Variants in RBFOX1 observed in about 807,000 individuals in gnomAD.
The protein encoded by RBFOX1 is RNA binding protein fox-1 homolog 1.
Under a neutral mutation model 57.7 loss-of-function variants are expected in RBFOX1, and 8 were observed. The observed-to-expected ratio is 0.14, with a 90% CI of 0.08 to 0.25. The LOEUF (loss-of-function observed/expected upper bound fraction) is 0.25. Among genes scored for constraint, RBFOX1 ranks in the 10% least tolerant of loss-of-function variants. RBFOX1 has a pLI of 1.00. For missense variants in RBFOX1, 611 were observed against 548.5 expected, an observed-to-expected ratio of 1.11 and a Z score of -1.14; for synonymous variants, 326 against 222.4, an observed-to-expected ratio of 1.47 and a Z score of -4.15.
chr16:7,094,046 G>C (rs7202555), intron 4 of RBFOX1, among the ~76,000 whole-genome samples: 149,782 of 149,820 alleles, frequency 1, 74,872 homozygotes, highest in Middle Eastern at 1. Flanking sequence ...AGTGGATGTT[G>C]CTTAGTGCCA....
chr16:6,810,678 C>G (rs1448580615), intron 3 of RBFOX1, among the ~76,000 whole-genome samples: 3 of 152,004 alleles, frequency 2.0e-5, no homozygotes, highest in East Asian at 1.9e-4. Context: ...GCTGGGAAGT[C>G]CTCTGGAAAC....
At chr16:7,672,880 A>AAAAAAAAAAAAAAAAAAAAAAAC (rs2071988348) in intron 13 of RBFOX1, among the ~76,000 whole-genome samples, 1 of 149,732 alleles carries the variant, frequency 6.7e-6, no homozygotes, top group African/African-American at 2.5e-5. Context: ...AAAAAAAAAA[A>AAAAAAAAAAAAAAAAAAAAAAAC]AAAAAAAAGA....
intron 4 of RBFOX1, among the ~76,000 whole-genome samples, chr16:7,457,302 C>A (rs1011133237): frequency 4.6e-5 from 7 of 152,134 alleles, no homozygotes; most frequent in African/African-American, 1.7e-4. Context: ...ACACTATCTT[C>A]CGATCTGTGT....
chr16:5,901,896 C>G (rs1375696863), intron 4 of RBFOX1, among the ~76,000 whole-genome samples: 1 of 152,162 alleles, frequency 6.6e-6, no homozygotes, highest in Non-Finnish European at 1.5e-5. Flanking sequence ...CATTCTTGAT[C>G]TTCAGACTCC....
chr16:7,000,668 G>C (rs1181451425), intron 3 of RBFOX1, among the ~76,000 whole-genome samples: 1 of 129,408 alleles, frequency 7.7e-6, no homozygotes, highest in Admixed American at 9.2e-5. Flanking sequence ...GCAGTGGCAT[G>C]ATCTCGGCTC....
intron 7 of RBFOX1, among the ~76,000 whole-genome samples, chr16:7,587,525 A>T (rs1259613427): frequency 1.3e-5 from 2 of 152,174 alleles, no homozygotes; most frequent in South Asian, 4.1e-4. Context: ...ATATATATCA[A>T]GTTTCCAGAG....
intron 1 of RBFOX1, among the ~76,000 whole-genome samples, chr16:6,062,291 G>GCC (rs35107199): frequency 6.6e-6 from 1 of 151,572 alleles, no homozygotes; most frequent in South Asian, 2.1e-4. Context: ...TCCATCTTTA[G>GCC]CCCCCCTGCC....
chr16:6,778,819 C>G (rs943063337), intron 3 of RBFOX1, among the ~76,000 whole-genome samples: 2 of 151,740 alleles, frequency 1.3e-5, no homozygotes, highest in African/African-American at 4.8e-5. Flanking sequence ...ACCAATAAAA[C>G]CTATCAAAAC....
At chr16:7,022,472 G>C (rs2039599746) in intron 3 of RBFOX1, among the ~76,000 whole-genome samples, 1 of 152,182 alleles carries the variant, frequency 6.6e-6, no homozygotes, top group Non-Finnish European at 1.5e-5. Context: ...TATGGAGTTG[G>C]TTAGAAATGT....
At chr16:5,865,525 G>C (rs754242023) in intron 3 of RBFOX1, among the ~76,000 whole-genome samples, 33 of 152,214 alleles carry the variant, frequency 2.2e-4, no homozygotes, top group Non-Finnish European at 4.1e-4. Flanking sequence ...GTGCATGAAA[G>C]CTGCTCCATG....
intron 2 of RBFOX1, among the ~76,000 whole-genome samples, chr16:6,354,672 A>G (rs1419718242): frequency 6.6e-6 from 1 of 151,946 alleles, no homozygotes; most frequent in Non-Finnish European, 1.5e-5. Flanking sequence ...GCTTCCTTCC[A>G]TCACAGAGTT....
chr16:5,871,051 C>T (rs1446851357), intron 4 of RBFOX1, among the ~76,000 whole-genome samples: 2 of 152,128 alleles, frequency 1.3e-5, no homozygotes, highest in Non-Finnish European at 2.9e-5. Context: ...ATAACGTTTG[C>T]TAAATCTGGA....
intron 1 of RBFOX1, among the ~76,000 whole-genome samples, chr16:6,300,064 T>C (rs1316797170): frequency 6.6e-6 from 1 of 152,176 alleles, no homozygotes; most frequent in African/African-American, 2.4e-5. Flanking sequence ...CTGGAGGTCA[T>C]TATGTTAAGT....
intron 3 of RBFOX1, among the ~76,000 whole-genome samples, chr16:6,807,952 T>C (rs2087313550): frequency 6.7e-6 from 1 of 150,082 alleles, no homozygotes; most frequent in Non-Finnish European, 1.5e-5. Flanking sequence ...ATGTAATATA[T>C]GCATTATATA....
intron 3 of RBFOX1, among the ~76,000 whole-genome samples, chr16:6,762,095 A>G (rs1009305014): frequency 6.6e-6 from 1 of 152,162 alleles, no homozygotes; most frequent in Non-Finnish European, 1.5e-5. Flanking sequence ...ATCTTCTGCT[A>G]GTTGAGTTAC....
intron 3 of RBFOX1, among the ~76,000 whole-genome samples, chr16:6,730,030 G>C (rs961716979): frequency 1.3e-5 from 2 of 152,038 alleles, no homozygotes. Flanking sequence ...GGAGAGCTTG[G>C]AAATAATCAT....
intron 1 of RBFOX1, among the ~76,000 whole-genome samples, chr16:5,344,937 T>C (rs1438239930): frequency 6.6e-6 from 1 of 152,198 alleles, no homozygotes; most frequent in Non-Finnish European, 1.5e-5. Context: ...GACATCCAGG[T>C]CCCACCTTGT....
intron 3 of RBFOX1, among the ~76,000 whole-genome samples, chr16:5,764,601 A>T (rs1206993404): frequency 6.6e-6 from 1 of 152,158 alleles, no homozygotes; most frequent in Non-Finnish European, 1.5e-5. Context: ...AGAAGGGCCC[A>T]TCCCTTGCAT....
chr16:6,588,481 C>T (rs900480648), intron 2 of RBFOX1, among the ~76,000 whole-genome samples: 5 of 151,942 alleles, frequency 3.3e-5, no homozygotes, highest in African/African-American at 4.8e-5. Context: ...GACAAAACCT[C>T]GCATACACCA....
Sources: allele counts gnomAD v4.1 joint callset (sites outside exome capture counted in the v4.1 genomes callset), GRCh38; gene constraint gnomAD v4.1.1; transcripts MANE v1.5; gene names NCBI Gene and HGNC (gene_info 2026-07-23, HGNC 2026-07-21).